PCSK6: variants seen among roughly 807,000 people sequenced by gnomAD.
PCSK6 encodes the protein proprotein convertase subtilisin/kexin type 6.
In PCSK6, 85 loss-of-function variants were observed where a neutral mutation model predicts 123.3. The ratio of observed to expected loss-of-function variants is 0.69; its 90% CI spans 0.58 to 0.83. The LOEUF is 0.83. PCSK6 is among the 40% of genes least tolerant of loss of function. The probability of loss-of-function intolerance (pLI) is 0.00; values close to 1 mark genes in which losing one functional copy is unlikely to be tolerated. For synonymous variants in PCSK6, 508 were observed against 516.0 expected (o/e 0.98, Z 0.21); for missense variants, 1,191 against 1,282.3 (o/e 0.93, Z 1.09).
intron 5 of PCSK6, among the ~76,000 whole-genome samples, chr15:101,429,118 A>G (rs2056359169): frequency 1.3e-5 from 2 of 152,140 alleles, no homozygotes; most frequent in Admixed American, 6.5e-5. Context: ...TAATCGGGAG[A>G]CGCCCCTCAG....
chr15:101,418,815 G>A (rs1317896402), intron 6 of PCSK6, among the ~76,000 whole-genome samples: 2 of 152,106 alleles, frequency 1.3e-5, no homozygotes, highest in African/African-American at 4.8e-5. Context: ...GCCTAGCCCA[G>A]TTTAGGAAAT....
At position 101,431,474 on chromosome 15, in the gene PCSK6, G is replaced by A. The variant is rs1232484500; in HGVS notation, c.514-11C>T. The stretch of plus-strand genomic sequence containing the variant: ...CTTGTCGCCACAATGCTGTAAGCAC[G>A]AAAGACACAAAGTCCCCCCGACATG... On this transcript the variant is annotated splice_polypyrimidine_tract_variant and intron_variant, in intron 3 of 21. Transcript: ENST00000611716. The A allele has an allele frequency of 1.9e-5, 30 of 1,613,188 alleles. No homozygotes were observed. In the East Asian group the frequency reaches 2.9e-4, roughly 16 times the overall value.
At chr15:101,480,254 C>T (rs909756446) in intron 1 of PCSK6, among the ~76,000 whole-genome samples, 1 of 152,208 alleles carries the variant, frequency 6.6e-6, no homozygotes, top group Non-Finnish European at 1.5e-5. Context: ...TACAAGAGCC[C>T]CCGAGGAAGA....
chr15:101,489,018 C>T (rs1290722688), intron 1 of PCSK6, among the ~76,000 whole-genome samples: 1 of 150,104 alleles, frequency 6.7e-6, no homozygotes, highest in African/African-American at 2.4e-5. Context: ...CTGAGGCAGC[C>T]CAGACTCCCC....
Position 101,305,417 on chromosome 15 carries a change from T to C in PCSK6, c.2813-62A>G, listed in dbSNP as rs888834036. On this transcript the variant is annotated intron_variant, in intron 21 of 21. Transcript: ENST00000611716. The surrounding 1 kb of genome is among the most constrained non-coding windows in gnomAD (Gnocchi z 4.8). ...GGTCAGTCTTCGGTGCCTGTGAAGA[T>C]TGTTTCAAGGCCGGGCGCGGTGCCT... The C allele has an allele frequency of 7.0e-7, 1 of 1,427,290 alleles. No homozygotes were observed. The highest frequency in any genetic ancestry group is 1.2e-5 in the South Asian group (1 of 84,064). The allele number at this position is 1,427,290 out of a possible 1,614,324, so 88.4% of individuals were successfully genotyped here.
At position 101,324,922 on chromosome 15, in the gene PCSK6, G is replaced by A. The variant is rs371251350; in HGVS notation, c.2305C>T (p.Arg769Cys). ...RAATQCLSCR[R>C]GFYHHQEMNT... is the part of the protein sequence containing the mutation. ...ATCTCCTGGTGGTGATAGAACCCGC[G>A]GCGGCAAGACAGGCACTGCGTCGCA... The change falls in exon 17 of 22, where the codon CGC becomes TGC. Residue 769 changes from arginine (R) to cysteine (C), a missense_variant. This residue lies in a region of PCSK6 where 630 missense variants were observed against 631.4 expected (regional missense o/e 1.00). Transcript: ENST00000611716. 48 of 1,613,440 alleles carry A rather than the reference G, an allele frequency of 3.0e-5. No individual in the cohort carries two copies. Among genetic ancestry groups the A allele is most frequent in the African/African-American group, 1.1e-4 (8 of 74,922 alleles).
chr15:101,346,990 A>T, intron 13 of PCSK6: 1 of 1,231,762 alleles, frequency 8.1e-7, no homozygotes, highest in East Asian at 3.2e-5. Context: ...GGAGGTAAAG[A>T]GATTGACTGC....
At chr15:101,418,877 CA>C (rs1438902160) in intron 6 of PCSK6, among the ~76,000 whole-genome samples, 1 of 152,084 alleles carries the variant, frequency 6.6e-6, no homozygotes, top group Non-Finnish European at 1.5e-5. Context: ...AGTTGAAAAA[CA>C]ATATAATAAT....
intron 7 of PCSK6, among the ~76,000 whole-genome samples, chr15:101,396,098 C>A (rs532710133): frequency 6.6e-6 from 1 of 152,082 alleles, no homozygotes; most frequent in Non-Finnish European, 1.5e-5. Flanking sequence ...AGTGACAGAT[C>A]GAGACAGTTG....
Position 101,313,402 on chromosome 15 carries a change from C to A in PCSK6, c.2673G>T (p.Pro891=). The A allele has an allele frequency of 6.2e-7, 1 of 1,612,772 alleles. No individual in the cohort carries two copies. The highest frequency in any genetic ancestry group is 8.5e-7 in the Non-Finnish European group (1 of 1,179,872). The change falls in exon 20 of 22, where the codon CCG becomes CCT. Residue 891 remains proline (P), a synonymous_variant. Transcript: ENST00000611716. ...TTCGACACACTTTGTGGGGCAAGCC[C>A]GGCATCTCTTCTGGGTAGAAGCCCT... ...CGEGFYPEEM[P]GLPHKVCRRC... is the part of the protein sequence containing the mutation.
intron 1 of PCSK6, among the ~76,000 whole-genome samples, chr15:101,457,157 G>A (rs2057207641): frequency 6.6e-6 from 1 of 152,116 alleles, no homozygotes; most frequent in Non-Finnish European, 1.5e-5. Flanking sequence ...GAGCAACAGA[G>A]TGAGATTCCA....
intron 9 of PCSK6, among the ~76,000 whole-genome samples, chr15:101,388,456 T>G (rs74962480): frequency 0.074 from 11,307 of 152,304 alleles, 630 homozygotes; most frequent in East Asian, 0.26. Context: ...GTTTTGACTC[T>G]ATGACTCCAT....
chr15:101,468,937 G>A (rs1412476971), intron 1 of PCSK6, among the ~76,000 whole-genome samples: 1 of 152,158 alleles, frequency 6.6e-6, no homozygotes, highest in Non-Finnish European at 1.5e-5. Flanking sequence ...TATTTTACAG[G>A]TGAATGATTT....
In PCSK6 at chr15:101,398,254, T is replaced by G; in HGVS notation, c.996+150A>C. 1.1e-6 allele frequency: 1 copy of G among 919,952 alleles called. No individual in the cohort carries two copies. The highest frequency in any genetic ancestry group is 1.6e-6 in the Non-Finnish European group (1 of 631,390). The allele number at this position is 919,952 out of a possible 1,614,324, so 57.0% of individuals were successfully genotyped here. On this transcript the variant is annotated intron_variant, in intron 7 of 21. Transcript: ENST00000611716. The surrounding 1 kb of genome is among the most constrained non-coding windows in gnomAD (Gnocchi z 4.6). ...AGAGCCACTTCTCAGACTCCCCGAG[T>G]GACTCCTCCACACTGGCCCTGGCAC...
At chr15:101,368,050 A>G (rs1041737914) in intron 12 of PCSK6, among the ~76,000 whole-genome samples, 6 of 152,218 alleles carry the variant, frequency 3.9e-5, no homozygotes, top group African/African-American at 1.4e-4. Context: ...TCCTGACCTC[A>G]GGTGATCCAC....
chr15:101,362,243 A>G (rs1468550752), intron 13 of PCSK6, among the ~76,000 whole-genome samples: 1 of 152,222 alleles, frequency 6.6e-6, no homozygotes, highest in African/African-American at 2.4e-5. Context: ...GGCATGAGCC[A>G]CCATGCCCAG....
chr15:101,341,975 C>T (rs560344972), intron 13 of PCSK6, among the ~76,000 whole-genome samples: 8 of 151,812 alleles, frequency 5.3e-5, no homozygotes, highest in Non-Finnish European at 1.2e-4. Flanking sequence ...ACTGAAAATA[C>T]AAAAATTAGC....
intron 11 of PCSK6, among the ~76,000 whole-genome samples, chr15:101,375,339 T>G (rs758280560): frequency 1.3e-5 from 2 of 152,196 alleles, no homozygotes; most frequent in Non-Finnish European, 2.9e-5. Context: ...TCCAGTACAT[T>G]AACTTACACA....
At chr15:101,454,328 T>A (rs549449949) in intron 1 of PCSK6, among the ~76,000 whole-genome samples, 1 of 152,316 alleles carries the variant, frequency 6.6e-6, no homozygotes, top group African/African-American at 2.4e-5. Flanking sequence ...CATACCCGTG[T>A]TCACAGCAGC....
Sources: allele counts gnomAD v4.1 joint callset (sites outside exome capture counted in the v4.1 genomes callset), GRCh38; gene constraint gnomAD v4.1.1; regional missense constraint gnomAD v4.1.1; non-coding constraint Gnocchi (gnomAD v3.1); transcripts MANE v1.5; gene names NCBI Gene and HGNC (gene_info 2026-07-23, HGNC 2026-07-21).